The following CORIN variants were observed in gnomAD, a reference collection of about 807,000 sequenced individuals.
CORIN encodes atrial natriuretic peptide-converting enzyme.
A neutral mutation model predicts 125.3 loss-of-function variants in CORIN; 117 were observed. The observed-to-expected ratio is 0.93, with a 90% CI of 0.80 to 1.09. The LOEUF (loss-of-function observed/expected upper bound fraction) is 1.09. CORIN is among the 50% of genes least tolerant of loss of function. The pLI, the probability that CORIN is intolerant of heterozygous loss-of-function variation, is 0.00. For synonymous variants in CORIN, 450 were observed against 466.4 expected, an observed-to-expected ratio of 0.96 and a Z score of 0.45; for missense variants, 1,253 against 1,306.7, an observed-to-expected ratio of 0.96 and a Z score of 0.63.
In CORIN at chr4:47,618,021, T is replaced by C. The variant is rs375525062; in HGVS notation, c.2540+5550A>G. ...CTTCAGTAATGCTCTCCCTCAGTCC[T>C]GAAGAGCATAGACATAGGATTAGAA... On this transcript the variant is annotated intron_variant, in intron 19 of 21. Transcript: ENST00000273857. Among the ~76,000 whole-genome samples the C allele has an allele frequency of 2.7e-4, 40 of 150,418 alleles. 1 individual carries two copies. In the East Asian group the frequency reaches 3.3e-3, roughly 12 times the overall value.
At chr4:47,742,103 A>G (rs1356977181) in intron 5 of CORIN, among the ~76,000 whole-genome samples, 2 of 152,140 alleles carry the variant, frequency 1.3e-5, no homozygotes, top group Admixed American at 6.5e-5. Context: ...GGTAACTAGC[A>G]TAATATGAAA....
intron 3 of CORIN, among the ~76,000 whole-genome samples, chr4:47,773,882 T>A (rs947636993): frequency 6.6e-5 from 10 of 151,678 alleles, no homozygotes; most frequent in Non-Finnish European, 1.0e-4. Flanking sequence ...CTTTTATATT[T>A]ATTATTAATT....
intron 6 of CORIN, among the ~76,000 whole-genome samples, chr4:47,691,143 G>A (rs565670811): frequency 2.6e-5 from 4 of 152,168 alleles, no homozygotes; most frequent in Non-Finnish European, 5.9e-5. Context: ...AGCACTTACA[G>A]GGTTTGGAGT....
chr4:47,805,364 C>T (rs1731748920), intron 2 of CORIN, among the ~76,000 whole-genome samples: 2 of 151,620 alleles, frequency 1.3e-5, no homozygotes, highest in Admixed American at 6.6e-5. Context: ...TTTTAAAAAA[C>T]CTGGTTACCC....
intron 3 of CORIN, among the ~76,000 whole-genome samples, chr4:47,768,020 AG>A (rs1729842592): frequency 1.3e-5 from 2 of 152,200 alleles, no homozygotes; most frequent in Admixed American, 1.3e-4. Context: ...TCACAAAAGA[AG>A]TGAAAATGGC....
At chr4:47,746,725 G>A (rs1037490021) in intron 4 of CORIN, among the ~76,000 whole-genome samples, 15 of 151,872 alleles carry the variant, frequency 9.9e-5, no homozygotes, top group Admixed American at 4.6e-4. Flanking sequence ...GTAGAGACAG[G>A]GTTTCAACAT....
At chr4:47,800,959 G>A (rs963289682) in intron 2 of CORIN, among the ~76,000 whole-genome samples, 7 of 151,802 alleles carry the variant, frequency 4.6e-5, no homozygotes, top group African/African-American at 7.3e-5. Flanking sequence ...AGAGTTCATC[G>A]ACTCCTGCTG....
chr4:47,672,273 T>C (rs901642678), intron 10 of CORIN, among the ~76,000 whole-genome samples: 2 of 152,178 alleles, frequency 1.3e-5, no homozygotes, highest in African/African-American at 2.4e-5. Context: ...AGTTATCCAG[T>C]TGCCTTTCCT....
At chr4:47,602,996 C>T (rs1721502880) in intron 20 of CORIN, among the ~76,000 whole-genome samples, 1 of 152,050 alleles carries the variant, frequency 6.6e-6, no homozygotes, top group African/African-American at 2.4e-5. Context: ...CTGAGGAACA[C>T]AATGTTTCTC....
In CORIN at chr4:47,623,835, T is replaced by C. The variant is rs1242928796; in HGVS notation, c.2365+64A>G. 4.4e-6 allele frequency: 7 copies of C among 1,606,190 alleles called. No homozygotes were observed. The Admixed American group carries it at 1.2e-4, about 27-fold the overall frequency. ...TGCTGTCACTTACAAGCGATCACTCTTCCCCTGAGCCAATCCAGTTCAATT... is the reference window on the plus strand; with the variant it reads ...TGCTGTCACTTACAAGCGATCACTCCTCCCCTGAGCCAATCCAGTTCAATT... On this transcript the variant is annotated intron_variant, in intron 18 of 21. Transcript: ENST00000273857.
intron 5 of CORIN, among the ~76,000 whole-genome samples, chr4:47,731,881 GA>G (rs1009665936): frequency 5.3e-5 from 8 of 150,316 alleles, no homozygotes; most frequent in African/African-American, 9.8e-5. Flanking sequence ...AAAAAAAAAA[GA>G]AAAAAAATTA....
At chr4:47,678,091 A>C in intron 8 of CORIN, 37 bp from the exon 9 acceptor site, 1 of 1,400,318 alleles carries the variant, frequency 7.1e-7, no homozygotes, top group Non-Finnish European at 1.0e-6. Flanking sequence ...TTTATTTATT[A>C]ATTCTTCTCT....
intron 5 of CORIN, among the ~76,000 whole-genome samples, chr4:47,730,089 G>A (rs1727797702): frequency 6.6e-6 from 1 of 152,234 alleles, no homozygotes. Context: ...TTGGGGTACA[G>A]AAGGCTGTCA....
chr4:47,674,893 T>A (rs1342158657), intron 9 of CORIN, among the ~76,000 whole-genome samples: 3 of 152,236 alleles, frequency 2.0e-5, no homozygotes, highest in Non-Finnish European at 4.4e-5. Context: ...GACACTTTTT[T>A]AAGACTCATT....
Position 47,770,054 on chromosome 4 carries a change from C to T in CORIN, c.410-6468G>A, listed in dbSNP as rs994208357. ...AAAAAGCTTCTTCCCAGGAAACAGT[C>T]AGCACAGCAAAGAAATAACTTACAA... On this transcript the variant is annotated intron_variant, in intron 3 of 21. Transcript: ENST00000273857. Among the ~76,000 whole-genome samples the T allele has an allele frequency of 3.9e-5, 6 of 152,044 alleles. No homozygotes were observed. The East Asian group carries it at 9.6e-4, about 24-fold the overall frequency.
chr4:47,812,174 T>C (rs1342097850), intron 1 of CORIN, among the ~76,000 whole-genome samples: 4 of 152,036 alleles, frequency 2.6e-5, no homozygotes, highest in African/African-American at 7.2e-5. Context: ...AAGATAAAAA[T>C]AATCTTCAAA....
chr4:47,824,930 A>C (rs1420903653), intron 1 of CORIN, among the ~76,000 whole-genome samples: 1 of 152,118 alleles, frequency 6.6e-6, no homozygotes, highest in Non-Finnish European at 1.5e-5. Flanking sequence ...TGAGTGTGAC[A>C]GCTTTGAGGG....
chr4:47,639,430 G>A (rs941871097), intron 16 of CORIN, among the ~76,000 whole-genome samples: 1 of 151,904 alleles, frequency 6.6e-6, no homozygotes, highest in Non-Finnish European at 1.5e-5. Context: ...TTGCATCCTC[G>A]ACCCAATGCC....
intron 5 of CORIN, among the ~76,000 whole-genome samples, chr4:47,708,569 T>C (rs1250377836): frequency 6.6e-6 from 1 of 151,732 alleles, no homozygotes; most frequent in Non-Finnish European, 1.5e-5. Context: ...TTTGGGGGGG[T>C]CATTATTCTC....
Sources: allele counts gnomAD v4.1 joint callset (sites outside exome capture counted in the v4.1 genomes callset), GRCh38; gene constraint gnomAD v4.1.1; transcripts MANE v1.5; gene names NCBI Gene and HGNC (gene_info 2026-07-23, HGNC 2026-07-21).